PKD1: variants seen among roughly 807,000 people sequenced by gnomAD.
The protein encoded by PKD1 is polycystin 1, transient receptor potential channel interacting.
In PKD1, 81 loss-of-function variants were observed where a neutral mutation model predicts 361.7. The observed-to-expected ratio is 0.22, with a 90% CI of 0.19 to 0.27. The LOEUF (loss-of-function observed/expected upper bound fraction) is 0.27, where lower values mean the gene tolerates loss of function less well. Among genes scored for constraint, PKD1 ranks in the 10% least tolerant of loss-of-function variants. PKD1 has a pLI of 1.00. For missense variants in PKD1, 6,399 were observed against 6,118.3 expected, an observed-to-expected ratio of 1.05 and a Z score of -1.53; for synonymous variants, 3,615 against 2,818.3, an observed-to-expected ratio of 1.28 and a Z score of -8.95.
Position 2,093,507 on chromosome 16 carries a change from C to T in PKD1, c.11016+37G>A, listed in dbSNP as rs376001831. On this transcript the variant is annotated intron_variant, in intron 37 of 45. Transcript: ENST00000262304. ...TGGGTGGGAGGTGGGAGACAAGAGA[C>T]GGAGGTGGCAGGGGCACAGGCCGCA... The T allele has an allele frequency of 4.6e-5, 72 of 1,560,820 alleles. No individual in the cohort carries two copies. The East Asian group carries it at 8.6e-4, about 19-fold the overall frequency.
rs755394153 is a variant in PKD1 at position 2,091,809 on chromosome 16, G to A, written c.11509C>T (p.Leu3837=). The part of the protein sequence containing the change: ...LEESRDRLRF[L]QLHNWLDNRS... ...TTGTCCAGCCAGTTGTGCAGCTGCAGGAAGCGCAGCCGGTCGCGGCTCTCC... is the reference window on the plus strand; with the variant it reads ...TTGTCCAGCCAGTTGTGCAGCTGCAAGAAGCGCAGCCGGTCGCGGCTCTCC... Residue 3837 remains leucine, a synonymous_variant, in exon 41 of 46, where the codon CTG becomes TTG. Coordinates refer to ENST00000262304, the MANE Select transcript of PKD1 (RefSeq NM_001009944.3). The A allele has an allele frequency of 2.5e-6, 4 of 1,610,930 alleles. No homozygotes were observed. Among genetic ancestry groups the A allele is most frequent in the Middle Eastern group, 1.7e-4 (1 of 6,048 alleles).
At chr16:2,126,032 C>A (rs1390458012) in intron 1 of PKD1, among the ~76,000 whole-genome samples, 1 of 151,948 alleles carries the variant, frequency 6.6e-6, no homozygotes, top group African/African-American at 2.4e-5. Flanking sequence ...AACTGGCCAT[C>A]TGCGCCCGGC....
chr16:2,108,364 C>G lies in PKD1; in HGVS notation c.6803G>C (p.Trp2268Ser), dbSNP rs2092414337. 1.2e-6 allele frequency: 2 copies of G among 1,610,310 alleles called. No individual in the cohort carries two copies. Among genetic ancestry groups the G allele is most frequent in the Non-Finnish European group, 1.7e-6 (2 of 1,179,522 alleles). Residue 2268 changes from tryptophan to serine, a missense_variant, in exon 15 of 46, where the codon TGG (tryptophan) becomes TCG (serine). Physicochemically the swap from Trp to Ser is radical, Grantham distance 177. Coordinates refer to ENST00000262304, the MANE Select transcript of PKD1 (RefSeq NM_001009944.3). Reference protein sequence around the residue: ...PIIEGGSYRVWSDTRDLVLDG... With the variant: ...PIIEGGSYRVSSDTRDLVLDG... ...CAGCACCAGGTCCCGTGTGTCTGAC[C>G]ACACGCGGTATGAGCCACCCTCAAT... is the stretch of plus-strand genomic sequence containing the variant.
rs889772943 is a variant in PKD1 at position 2,100,751 on chromosome 16, C to T, written c.9398-185G>A. ...GCAATTTGTCCAATTAACAGCAGGA[C>T]CTCAAGGACATGATTAAGTTACATG... On this transcript the variant is annotated intron_variant, in intron 26 of 45. Coordinates refer to ENST00000262304, the MANE Select transcript of PKD1 (RefSeq NM_001009944.3). This position sits in a 1 kb window ranked among gnomAD's most constrained non-coding sequence, Gnocchi z 4.4. 4.9e-5 allele frequency: 30 copies of T among 606,754 alleles called. No homozygotes were observed. The highest frequency in any genetic ancestry group is 3.7e-5 in the African/African-American group (2 of 54,150). 37.6% of individuals were successfully genotyped at this position (606,754 alleles called of 1,614,324 possible). A position where few individuals can be genotyped will look rare whatever the true frequency, so the allele number is the denominator to read the frequency against.
Position 2,092,326 on chromosome 16 carries a change from G to C in PKD1, c.11270-138C>G. The C allele has an allele frequency of 1.1e-5, 11 of 1,038,224 alleles. No individual in the cohort carries two copies. The South Asian group carries it at 1.2e-4, about 11-fold the overall frequency. The allele number at this position is 1,038,224 out of a possible 1,614,324, so 64.3% of individuals were successfully genotyped here. ...TCCCAGCAGCCATCAATTAGACAAC[G>C]TTACCATCTCTCATATACAGAGAAG... On this transcript the variant is annotated intron_variant, in intron 39 of 45. Transcript: ENST00000262304.
rs767312175 is a variant in PKD1 at position 2,109,591 on chromosome 16, G to T, written c.5576C>A (p.Ala1859Asp). 6.2e-7 allele frequency: 1 copy of T among 1,611,180 alleles called. No homozygotes were observed. Among genetic ancestry groups the T allele is most frequent in the Non-Finnish European group, 8.5e-7 (1 of 1,179,386 alleles). ...GPHVTMVFPD[A>D]GTFSIRLNAS... The stretch of plus-strand genomic sequence containing the variant: ...ATTGAGCCGGATGGAGAAGGTGCCA[G>T]CATCCGGGAAGACCATGGTGACATG... Residue 1859 changes from alanine to aspartate, a missense_variant, in exon 15 of 46, where the codon GCT (alanine) becomes GAT (aspartate). Transcript: ENST00000262304.
At position 2,090,330 on chromosome 16, in the gene PKD1, G is replaced by T. The variant is rs116309559; in HGVS notation, c.12399C>A (p.Phe4133Leu). 1.2e-6 allele frequency: 2 copies of T among 1,612,234 alleles called. No individual in the cohort carries two copies. Among genetic ancestry groups the T allele is most frequent in the Non-Finnish European group, 1.7e-6 (2 of 1,179,650 alleles). Residue 4133 changes from phenylalanine to leucine, a missense_variant, in exon 45 of 46, where the codon TTC (phenylalanine) becomes TTA (leucine). Transcript: ENST00000262304. ...EPQDYEMVEL[F>L]LRRLRLWMGL... The stretch of plus-strand genomic sequence containing the variant: ...CCATCCAGAGGCGCAGCCTGCGCAG[G>T]AACAACTCCACCATCTCGTAGTCCT...
In PKD1 at chr16:2,105,345, C is replaced by T. The variant is rs764822533; in HGVS notation, c.7993G>A (p.Ala2665Thr). Reference protein sequence around the residue: ...VHTVDDIQQIAAALAQCMGPS... With the variant: ...VHTVDDIQQITAALAQCMGPS... ...ACCATGCACTGGGCCAGCGCAGCAG[C>T]GATCTGCTGGATGTCATCCACAGTG... The change falls in exon 21 of 46, where the codon GCT (alanine) becomes ACT (threonine). Residue 2665 changes from alanine (A) to threonine (T), a missense_variant. Physicochemically the swap from Ala to Thr is moderately conservative, Grantham distance 58 (BLOSUM62 0). Transcript: ENST00000262304. 8.0e-5 allele frequency: 128 copies of T among 1,592,698 alleles called. No individual in the cohort carries two copies. Among genetic ancestry groups the T allele is most frequent in the African/African-American group, 5.0e-4 (37 of 74,570 alleles).
intron 33 of PKD1, 24 bp from the exon 34 acceptor site, chr16:2,097,265 T>G: frequency 3.1e-6 from 5 of 1,602,192 alleles, no homozygotes; most frequent in Non-Finnish European, 4.3e-6. Context: ...AGGCATAGGG[T>G]GGGCCCAGCT....
In PKD1 at chr16:2,089,779, G is replaced by T. The variant is rs1308489558; in HGVS notation, c.12860C>A (p.Pro4287His). Residue 4287 changes from proline to histidine, a missense_variant, in exon 46 of 46, where the codon CCC becomes CAC. Pro to His is a moderately conservative substitution (Grantham distance 77). Coordinates refer to ENST00000262304, the MANE Select transcript of PKD1 (RefSeq NM_001009944.3). ...ASRGVDLATG[P>H]SRTPLRAKNK... ...CTTGGCCCGAAGGGGTGTCCTGCTG[G>T]GGCCAGTGGCCAGGTCCACACCCCG... 1 of 1,597,984 alleles carries T rather than the reference G, an allele frequency of 6.3e-7. No individual in the cohort carries two copies. The highest frequency in any genetic ancestry group is 1.3e-5 in the African/African-American group (1 of 74,918).
chr16:2,097,267 G>A (rs1305997123), intron 33 of PKD1, 26 bp from the exon 34 acceptor site: 6 of 1,603,502 alleles, frequency 3.7e-6, no homozygotes, highest in South Asian at 1.1e-5. Flanking sequence ...GCATAGGGTG[G>A]GCCCAGCTGC....
rs372091746 is a variant in PKD1 at position 2,112,845 on chromosome 16, G to A, written c.3104C>T (p.Ala1035Val). ...STVPAVLSPN[A>V]TLALTAGVLV... ...CACGCCCGCCGTCAGTGCTAGCGTG[G>A]CATTGGGGGACAGCACGGCCGGCAC... is the stretch of plus-strand genomic sequence containing the variant. The change falls in exon 13 of 46, where the codon GCC becomes GTC. Residue 1035 changes from alanine (A) to valine (V), a missense_variant. Ala to Val is a moderately conservative substitution (Grantham distance 64). Transcript: ENST00000262304. 12 of 1,604,632 alleles carry A rather than the reference G, an allele frequency of 7.5e-6. No individual in the cohort carries two copies. The African/African-American group carries it at 1.3e-4, about 18-fold the overall frequency.
Position 2,117,481 on chromosome 16 carries a change from G to C in PKD1, c.1385+8C>G. 6.7e-7 allele frequency: 1 copy of C among 1,483,376 alleles called. No individual in the cohort carries two copies. The highest frequency in any genetic ancestry group is 1.2e-5 in the South Asian group (1 of 82,468). 91.9% of individuals were successfully genotyped at this position (1,483,376 alleles called of 1,614,324 possible). ...ACCTATGGCCCCTCGGGGGGTGGGGGCAGGCACCTGGTGACCCGGGAGACC... is the reference window on the plus strand; with the variant it reads ...ACCTATGGCCCCTCGGGGGGTGGGGCCAGGCACCTGGTGACCCGGGAGACC... On this transcript the variant is annotated splice_region_variant and intron_variant, in intron 6 of 45. Coordinates refer to ENST00000262304, the MANE Select transcript of PKD1 (RefSeq NM_001009944.3).
chr16:2,091,055 C>T lies in PKD1; in HGVS notation c.11832G>A (p.Leu3944=), dbSNP rs774326899. 2.0e-6 allele frequency: 3 copies of T among 1,521,752 alleles called. No individual in the cohort carries two copies. The highest frequency in any genetic ancestry group is 2.0e-5 in the Admixed American group (1 of 49,916). The allele number at this position is 1,521,752 out of a possible 1,614,324, so 94.3% of individuals were successfully genotyped here. The change falls in exon 43 of 46, where the codon CTG becomes CTA. Residue 3944 remains leucine, a synonymous_variant. Coordinates refer to ENST00000262304, the MANE Select transcript of PKD1 (RefSeq NM_001009944.3). ...GGCGTACCAGTGCCGTGGCCGCCGT[C>T]AGCGCCACCAGCAGCCACCGCGCCC... is the stretch of plus-strand genomic sequence containing the variant. ...GAWARWLLVA[L]TAATALVRLA...
chr16:2,109,577 T>C lies in PKD1; in HGVS notation c.5590A>G (p.Ile1864Val), dbSNP rs770007800. 1.2e-6 allele frequency: 2 copies of C among 1,611,760 alleles called. No individual in the cohort carries two copies. Among genetic ancestry groups the C allele is most frequent in the Middle Eastern group, 1.7e-4 (1 of 5,826 alleles). The change falls in exon 15 of 46, where the codon ATC becomes GTC. Residue 1864 changes from isoleucine to valine, a missense_variant. Ile to Val is a conservative substitution (Grantham distance 29). Transcript: ENST00000262304. ...MVFPDAGTFS[I>V]RLNASNAVSW... is the part of the protein sequence containing the mutation. The stretch of plus-strand genomic sequence containing the variant: ...ACTGCGTTGGAGGCATTGAGCCGGA[T>C]GGAGAAGGTGCCAGCATCCGGGAAG...
chr16:2,090,322 C>T lies in PKD1; in HGVS notation c.12407G>A (p.Arg4136Lys), dbSNP rs768391524. 1 of 1,611,904 alleles carries T rather than the reference C, an allele frequency of 6.2e-7. No homozygotes were observed. Among genetic ancestry groups the T allele is most frequent in the Non-Finnish European group, 8.5e-7 (1 of 1,179,392 alleles). Residue 4136 changes from arginine (R) to lysine (K), a missense_variant, in exon 45 of 46, where the codon AGG becomes AAG. Arg to Lys is a conservative substitution (Grantham distance 26). Coordinates refer to ENST00000262304, the MANE Select transcript of PKD1 (RefSeq NM_001009944.3). ...DYEMVELFLR[R>K]LRLWMGLSKV... ...GCTGAGGCCCATCCAGAGGCGCAGC[C>T]TGCGCAGGAACAACTCCACCATCTC...
chr16:2,123,777 C>T (rs1199535132), intron 1 of PKD1, among the ~76,000 whole-genome samples: 1 of 152,202 alleles, frequency 6.6e-6, no homozygotes, highest in Non-Finnish European at 1.5e-5. Context: ...CTGCCCCACG[C>T]ACTCCTCACC....
At chr16:2,131,487 A>G (rs1480568654) in intron 1 of PKD1, among the ~76,000 whole-genome samples, 1 of 151,164 alleles carries the variant, frequency 6.6e-6, no homozygotes, top group Non-Finnish European at 1.5e-5. Flanking sequence ...CAGCCTGGGC[A>G]ACAGAGTGAG....
chr16:2,103,573 C>A lies in PKD1; in HGVS notation c.8484G>T (p.Leu2828=). The A allele has an allele frequency of 2.5e-6, 4 of 1,610,238 alleles. No homozygotes were observed. Among genetic ancestry groups the A allele is most frequent in the Non-Finnish European group, 3.4e-6 (4 of 1,179,686 alleles). Residue 2828 remains leucine (L), a synonymous_variant, in exon 23 of 46, where the codon CTG becomes CTT. Transcript: ENST00000262304. ...NLSDVVQLIF[L]VDSNPFPFGY... is the part of the protein sequence containing the mutation. Reference sequence around the variant, plus strand: ...CAAAGGGAAAGGGATTGGAGTCCACCAGAAAGATGAGCTGCACCACGTCAC... The same window carrying A: ...CAAAGGGAAAGGGATTGGAGTCCACAAGAAAGATGAGCTGCACCACGTCAC...
Sources: allele counts gnomAD v4.1 joint callset (sites outside exome capture counted in the v4.1 genomes callset), GRCh38; gene constraint gnomAD v4.1.1; non-coding constraint Gnocchi (gnomAD v3.1); transcripts MANE v1.5; gene names NCBI Gene and HGNC (gene_info 2026-07-23, HGNC 2026-07-21).